RGS7: variants seen among roughly 807,000 people sequenced by gnomAD.
RGS7 encodes the protein regulator of G protein signaling 7, also known as regulator of G-protein signaling 7.
Under a neutral mutation model 81.1 loss-of-function variants are expected in RGS7, and 27 were observed. The observed-to-expected ratio is 0.33, with a 90% confidence interval of 0.25 to 0.46. The LOEUF (loss-of-function observed/expected upper bound fraction) is 0.46, where lower values mean the gene tolerates loss of function less well. RGS7 is among the 20% of genes least tolerant of loss of function. RGS7 has a pLI of 1.00. For synonymous variants in RGS7, 208 were observed against 207.7 expected (o/e 1.00, Z -0.01); for missense variants, 396 against 607.4 (o/e 0.65, Z 3.66).
At chr1:240,860,894 C>A (rs1662077656) in intron 9 of RGS7, among the ~76,000 whole-genome samples, 9 of 152,190 alleles carry the variant, frequency 5.9e-5, no homozygotes, top group Admixed American at 5.9e-4. Context: ...CATGTCATCA[C>A]ACTCAGCATG....
At chr1:240,874,454 CA>C in intron 6 of RGS7, among the ~76,000 whole-genome samples, 1 of 152,034 alleles carries the variant, frequency 6.6e-6, no homozygotes, top group East Asian at 1.9e-4. Flanking sequence ...TTACATTTTT[CA>C]TTGGAATAGA....
chr1:241,169,389 G>C (rs2070549603), intron 2 of RGS7, among the ~76,000 whole-genome samples: 1 of 132,680 alleles, frequency 7.5e-6, no homozygotes. Context: ...TGTCTCCCAG[G>C]CTGGAGTGCA....
intron 2 of RGS7, among the ~76,000 whole-genome samples, chr1:241,194,200 C>T (rs140067294): frequency 1.4e-4 from 22 of 152,232 alleles, no homozygotes; most frequent in Middle Eastern, 6.8e-3. Context: ...ACATTTTTGT[C>T]ATCATTTTCT....
chr1:241,352,938 A>C (rs1224192392), intron 2 of RGS7, among the ~76,000 whole-genome samples: 2 of 152,256 alleles, frequency 1.3e-5, no homozygotes, highest in Non-Finnish European at 2.9e-5. Context: ...TGTGTAAATC[A>C]TCAGAGTCAT....
At chr1:240,863,317 T>C (rs1662592069) in intron 9 of RGS7, among the ~76,000 whole-genome samples, 3 of 152,070 alleles carry the variant, frequency 2.0e-5, no homozygotes, top group South Asian at 2.1e-4. Flanking sequence ...CTACTAAAAA[T>C]ACAAAAAATT....
intron 10 of RGS7, among the ~76,000 whole-genome samples, chr1:240,819,028 A>G (rs978603502): frequency 2.0e-5 from 3 of 152,200 alleles, no homozygotes; most frequent in African/African-American, 7.2e-5. Flanking sequence ...ATTGAATATT[A>G]CCCGATAAAT....
At chr1:241,028,991 G>A (rs552170926) in intron 3 of RGS7, among the ~76,000 whole-genome samples, 1 of 152,136 alleles carries the variant, frequency 6.6e-6, no homozygotes, top group African/African-American at 2.4e-5. Flanking sequence ...AGGAAGAAAG[G>A]ATGTTCCAGC....
chr1:241,028,826 A>G (rs528095364), intron 3 of RGS7, among the ~76,000 whole-genome samples: 24 of 152,196 alleles, frequency 1.6e-4, no homozygotes, highest in Non-Finnish European at 3.2e-4. Flanking sequence ...CTACATCATA[A>G]TGACATAAAT....
At chr1:240,840,393 C>A (rs1317220083) in intron 9 of RGS7, among the ~76,000 whole-genome samples, 2 of 152,146 alleles carry the variant, frequency 1.3e-5, no homozygotes, top group African/African-American at 2.4e-5. Context: ...CCTGCCTCAG[C>A]CTCCCGAGTA....
chr1:241,089,063 C>CTCTCTCTCTCTCTCTCTCTCTCTATA (rs1374552672), intron 3 of RGS7, among the ~76,000 whole-genome samples: 1 of 23,686 alleles, frequency 4.2e-5, no homozygotes, highest in Non-Finnish European at 7.4e-5. Flanking sequence ...CTCTCTCTCT[C>CTCTCTCTCTCTCTCTCTCTCTCTATA]TATATATATA....
chr1:241,251,901 C>G (rs927224415), intron 2 of RGS7, among the ~76,000 whole-genome samples: 7 of 152,066 alleles, frequency 4.6e-5, no homozygotes, highest in Admixed American at 4.6e-4. Context: ...CACTTTGGAG[C>G]TCTGTAAAGA....
chr1:240,988,145 CT>C (rs1246423285), intron 3 of RGS7, among the ~76,000 whole-genome samples: 1 of 151,424 alleles, frequency 6.6e-6, no homozygotes, highest in Non-Finnish European at 1.5e-5. Flanking sequence ...TAAATGTTTA[CT>C]GAAGGCATGA....
intron 2 of RGS7, among the ~76,000 whole-genome samples, chr1:241,332,420 T>C (rs1426926412): frequency 6.6e-6 from 1 of 152,106 alleles, no homozygotes; most frequent in Non-Finnish European, 1.5e-5. Flanking sequence ...GCCAGAAAAA[T>C]AGATTTTATA....
intron 6 of RGS7, among the ~76,000 whole-genome samples, chr1:240,882,794 G>C (rs1236487933): frequency 4.6e-5 from 7 of 152,028 alleles, no homozygotes; most frequent in Non-Finnish European, 2.9e-5. Context: ...AGCTCCCTCT[G>C]CATTCATCCC....
chr1:241,292,702 C>G (rs141829302), intron 2 of RGS7, among the ~76,000 whole-genome samples: 1 of 152,140 alleles, frequency 6.6e-6, no homozygotes, highest in East Asian at 1.9e-4. Flanking sequence ...GCCATTTACT[C>G]TACTATGGCC....
chr1:240,855,804 A>G (rs1166244438), intron 9 of RGS7, among the ~76,000 whole-genome samples: 2 of 152,140 alleles, frequency 1.3e-5, no homozygotes, highest in Non-Finnish European at 1.5e-5. Flanking sequence ...GATAATACCA[A>G]TGCACACACC....
At chr1:241,190,080 GC>G (rs1396687768) in intron 2 of RGS7, among the ~76,000 whole-genome samples, 3 of 151,270 alleles carry the variant, frequency 2.0e-5, no homozygotes, top group East Asian at 1.9e-4. Flanking sequence ...TCCAGCCTGG[GC>G]GACAGAGCAG....
At chr1:241,139,354 A>G (rs1393714573) in intron 2 of RGS7, among the ~76,000 whole-genome samples, 1 of 148,700 alleles carries the variant, frequency 6.7e-6, no homozygotes, top group African/African-American at 2.5e-5. Context: ...ATAGCATTCC[A>G]TTGTACTAAT....
chr1:241,207,248 T>TCTCTCTCTCTCTCTCTCTC (rs1558189270), intron 2 of RGS7, among the ~76,000 whole-genome samples: 16 of 149,910 alleles, frequency 1.1e-4, no homozygotes, highest in African/African-American at 3.9e-4. Flanking sequence ...GTTTCTTTCT[T>TCTCTCTCTCTCTCTCTCTC]TCTCTCTCTC....
Sources: gnomAD v4.1 joint callset for allele counts (sites outside exome capture counted in the v4.1 genomes callset) on GRCh38, gnomAD v4.1.1 for gene constraint, MANE v1.5 for transcripts, NCBI Gene and HGNC (gene_info 2026-07-23, HGNC 2026-07-21) for gene names.